The following SNX9 variants were observed in gnomAD, a reference collection of about 807,000 sequenced individuals.
SNX9 encodes sorting nexin 9, also known as sorting nexin-9.
A neutral mutation model predicts 89.4 loss-of-function variants in SNX9; 44 were observed. The ratio of observed to expected loss-of-function variants is 0.49; its 90% CI spans 0.39 to 0.63. SNX9 has a LOEUF of 0.63. SNX9 is among the 30% of genes least tolerant of loss of function. The pLI is 0.00. For synonymous variants in SNX9, 236 were observed against 247.8 expected (o/e 0.95, Z 0.45); for missense variants, 578 against 736.1 (o/e 0.79, Z 2.49).
intron 4 of SNX9, among the ~76,000 whole-genome samples, chr6:157,891,027 C>CTTT (rs67186551): frequency 2.1e-3 from 237 of 114,896 alleles, no homozygotes; most frequent in Middle Eastern, 5.1e-3. Context: ...TTTTCTTTCT[C>CTTT]TTTTTTTTTT....
intron 14 of SNX9, 137 bp from the exon 15 acceptor site, chr6:157,937,297 A>G (rs2115218051): frequency 2.0e-6 from 1 of 502,922 alleles, no homozygotes. Context: ...TCTTTTAGAA[A>G]AAGTGATCTG....
rs112335863 is a variant in SNX9, at chr6:157,942,731, C to T, written c.1741-60C>T. On this transcript the variant is annotated intron_variant, in intron 17 of 17. Coordinates refer to ENST00000392185, the MANE Select transcript of SNX9 (RefSeq NM_016224.5). Reference sequence around the variant, plus strand: ...ACTTGTTGGAGTTGTGAATAAAGAACACTGTGAGGTCGTAATGGGAGTGAT... The same window carrying T: ...ACTTGTTGGAGTTGTGAATAAAGAATACTGTGAGGTCGTAATGGGAGTGAT... 7.4e-4 allele frequency: 1,142 copies of T among 1,543,138 alleles called. 6 individuals are homozygous for T. The African/African-American group carries it at 9.2e-3, about 12-fold the overall frequency.
chr6:157,906,464 T>G (rs545668673), intron 7 of SNX9, among the ~76,000 whole-genome samples: 4 of 152,332 alleles, frequency 2.6e-5, no homozygotes, highest in African/African-American at 9.6e-5. Flanking sequence ...TTTGATCATT[T>G]TTTTCTAAAG....
At chr6:157,870,520 C>A (rs1308903396) in intron 2 of SNX9, among the ~76,000 whole-genome samples, 1 of 150,672 alleles carries the variant, frequency 6.6e-6, no homozygotes, top group African/African-American at 2.4e-5. Context: ...ATGCACTCAC[C>A]TGTGCAAGCA....
At chr6:157,919,562 G>T in intron 9 of SNX9, among the ~76,000 whole-genome samples, 1 of 151,188 alleles carries the variant, frequency 6.6e-6, no homozygotes, top group South Asian at 2.1e-4. Flanking sequence ...ATTCTTTTTT[G>T]GTAACTTCTC....
chr6:157,933,958 T>C (rs1372714392), intron 13 of SNX9, among the ~76,000 whole-genome samples: 2 of 152,364 alleles, frequency 1.3e-5, no homozygotes, highest in Middle Eastern at 6.8e-3. Flanking sequence ...CTTAAGATAA[T>C]ATTTTAAGGA....
At chr6:157,872,905 T>C (rs1383747909) in intron 2 of SNX9, 197 bp from the exon 3 acceptor site, 1 of 428,770 alleles carries the variant, frequency 2.3e-6, no homozygotes, top group Non-Finnish European at 4.1e-6. Flanking sequence ...GTTTGATTTT[T>C]CTTGTTTTTA....
intron 5 of SNX9, among the ~76,000 whole-genome samples, chr6:157,899,412 A>C (rs956344457): frequency 6.6e-6 from 1 of 152,186 alleles, no homozygotes; most frequent in African/African-American, 2.4e-5. Flanking sequence ...GGCCTCTAGA[A>C]GTCTTTTCTA....
At chr6:157,910,539 C>T (rs552209830) in intron 9 of SNX9, among the ~76,000 whole-genome samples, 1 of 152,162 alleles carries the variant, frequency 6.6e-6, no homozygotes, top group South Asian at 2.1e-4. Flanking sequence ...TTGATTATTA[C>T]CCTCTCCCTT....
Position 157,823,541 on chromosome 6 carries a change from G to A in SNX9, c.12+95G>A. On this transcript the variant is annotated intron_variant, in intron 1 of 17. Coordinates refer to ENST00000392185, the MANE Select transcript of SNX9 (RefSeq NM_016224.5). The surrounding 1 kb of genome is among the most constrained non-coding windows in gnomAD (Gnocchi z 4.6). ...GGGCCGCGGGGAGGGTCGGGGCCAG[G>A]GGTGGTCGAGGGGCCACTCCGCTTC... 1 of 1,046,350 alleles carries A rather than the reference G, an allele frequency of 9.6e-7. No homozygotes were observed. The highest frequency in any genetic ancestry group is 1.2e-6 in the Non-Finnish European group (1 of 840,892). The allele number at this position is 1,046,350 out of a possible 1,614,324, so 64.8% of individuals were successfully genotyped here. A position where few individuals can be genotyped will look rare whatever the true frequency, so the allele number is the denominator to read the frequency against.
rs549080511 is a variant in SNX9, at chr6:157,860,614, C to T, written c.13-6933C>T. Among the ~76,000 whole-genome samples, 16 of 152,176 alleles carry T rather than the reference C, an allele frequency of 1.1e-4. No homozygotes were observed. In the South Asian group the frequency reaches 1.9e-3, roughly 18 times the overall value. On this transcript the variant is annotated intron_variant, in intron 1 of 17. Coordinates refer to ENST00000392185, the MANE Select transcript of SNX9 (RefSeq NM_016224.5). ...TTTGTCTAATTGTTCTTGTGTGCAC[C>T]GCATATAGAAGCTTTGATCTGGGTG...
In SNX9 at chr6:157,927,497, C is replaced by G. The variant is rs115049588; in HGVS notation, c.1184+283C>G. 6.6e-3 allele frequency among the ~76,000 whole-genome samples: 1,011 copies of G among 152,256 alleles called. 13 individuals are homozygous for G. Among genetic ancestry groups the G allele is most frequent in the African/African-American group, 0.023 (970 of 41,536 alleles). Reference sequence around the variant, plus strand: ...TTTCCAATAGTGTGATGAAACCAAGCGGCATGGAGCCACCTAAAACCCACT... The same window carrying G: ...TTTCCAATAGTGTGATGAAACCAAGGGGCATGGAGCCACCTAAAACCCACT... On this transcript the variant is annotated intron_variant, in intron 11 of 17. Transcript: ENST00000392185.
In SNX9 at chr6:157,910,917, C is replaced by T. The variant is rs140568433; in HGVS notation, c.949+892C>T. Among the ~76,000 whole-genome samples the T allele has an allele frequency of 7.2e-3, 1,102 of 152,088 alleles. 17 individuals are homozygous for T. The highest frequency in any genetic ancestry group is 0.025 in the African/African-American group (1,055 of 41,470). ...CGGGCGGATCACGAGGTCAGGAGAT[C>T]GAGACCATCCAGGCTAACACGGTGT... On this transcript the variant is annotated intron_variant, in intron 9 of 17. Transcript: ENST00000392185.
At chr6:157,833,524 A>G (rs1781514812) in intron 1 of SNX9, among the ~76,000 whole-genome samples, 2 of 152,198 alleles carry the variant, frequency 1.3e-5, no homozygotes, top group Admixed American at 1.3e-4. Context: ...CCAGGGGAAA[A>G]AAAGAGTATG....
chr6:157,927,968 C>A (rs939271580), intron 11 of SNX9, among the ~76,000 whole-genome samples: 1 of 151,986 alleles, frequency 6.6e-6, no homozygotes, highest in Non-Finnish European at 1.5e-5. Flanking sequence ...CCTTCAACCA[C>A]GCAGAGAGAA....
intron 1 of SNX9, among the ~76,000 whole-genome samples, chr6:157,838,930 G>A (rs1255676518): frequency 6.6e-6 from 1 of 152,188 alleles, no homozygotes. Context: ...CGAGGACATA[G>A]CGTCTTGGAA....
At chr6:157,927,293 C>A in intron 11 of SNX9, 79 bp downstream of exon 11, 2 of 990,356 alleles carry the variant, frequency 2.0e-6, no homozygotes, top group Non-Finnish European at 3.1e-6. Flanking sequence ...CCAGTGTAGC[C>A]GCAGCCGAAA....
chr6:157,882,907 C>T (rs1208711000), intron 4 of SNX9, among the ~76,000 whole-genome samples: 1 of 152,150 alleles, frequency 6.6e-6, no homozygotes. Context: ...AAAATAGCAG[C>T]AGGATTTGAG....
At chr6:157,867,444 C>A in intron 1 of SNX9, 103 bp from the exon 2 acceptor site, 1 of 857,076 alleles carries the variant, frequency 1.2e-6, no homozygotes, top group Non-Finnish European at 1.9e-6. Context: ...CAGCCACTAT[C>A]ATGTTTGTAC....
Sources: allele counts gnomAD v4.1 joint callset (sites outside exome capture counted in the v4.1 genomes callset), GRCh38; gene constraint gnomAD v4.1.1; non-coding constraint Gnocchi (gnomAD v3.1); transcripts MANE v1.5; gene names NCBI Gene and HGNC (gene_info 2026-07-23, HGNC 2026-07-21).